CNTN5: variants seen among roughly 807,000 people sequenced by gnomAD.
The protein encoded by CNTN5 is contactin 5.
A neutral mutation model predicts 129.1 loss-of-function variants in CNTN5; 77 were observed. The ratio of observed to expected loss-of-function variants is 0.60; its 90% CI spans 0.50 to 0.72. CNTN5 has a LOEUF of 0.72. Ranked by LOEUF, CNTN5 falls within the 30% of genes least tolerant of loss-of-function variation. The pLI is 0.00. For missense variants in CNTN5, 1,478 were observed against 1,328.8 expected (o/e 1.11, Z -1.75); for synonymous variants, 509 against 465.6 (o/e 1.09, Z -1.20).
At chr11:100,144,465 G>C (rs1196735193) in intron 13 of CNTN5, among the ~76,000 whole-genome samples, 1 of 152,010 alleles carries the variant, frequency 6.6e-6, no homozygotes, top group Non-Finnish European at 1.5e-5. Context: ...ACGAGAACAT[G>C]TGGTATTTGA....
intron 3 of CNTN5, among the ~76,000 whole-genome samples, chr11:99,631,627 G>A (rs1951354073): frequency 6.6e-6 from 1 of 151,150 alleles, no homozygotes; most frequent in South Asian, 2.1e-4. Context: ...GTAATATCAT[G>A]TCAGTCATTT....
At chr11:100,204,249 C>G (rs1251144385) in intron 15 of CNTN5, among the ~76,000 whole-genome samples, 1 of 116,064 alleles carries the variant, frequency 8.6e-6, no homozygotes, top group African/African-American at 3.1e-5. Context: ...AGTATATGAA[C>G]TAAAAACTAG....
intron 1 of CNTN5, among the ~76,000 whole-genome samples, chr11:99,208,269 C>T (rs1187758726): frequency 6.6e-6 from 1 of 152,146 alleles, no homozygotes; most frequent in African/African-American, 2.4e-5. Context: ...ATGTATTATA[C>T]AGAAGCTTTT....
chr11:100,120,873 G>A (rs1346213769), intron 13 of CNTN5, among the ~76,000 whole-genome samples: 2 of 151,728 alleles, frequency 1.3e-5, no homozygotes, highest in Admixed American at 6.6e-5. Flanking sequence ...TATTGTAATA[G>A]CATCTAGTAT....
chr11:99,206,476 G>A (rs1859489364), intron 1 of CNTN5, among the ~76,000 whole-genome samples: 1 of 152,106 alleles, frequency 6.6e-6, no homozygotes, highest in African/African-American at 2.4e-5. Flanking sequence ...AAACTGGGCA[G>A]CCTGTGCTCT....
intron 21 of CNTN5, among the ~76,000 whole-genome samples, chr11:100,330,063 A>G (rs1951873269): frequency 6.6e-6 from 1 of 152,214 alleles, no homozygotes; most frequent in Non-Finnish European, 1.5e-5. Flanking sequence ...AGGCCAACTT[A>G]AAGTATTCAA....
At chr11:99,081,498 T>A (rs1473611810) in intron 1 of CNTN5, among the ~76,000 whole-genome samples, 1 of 152,150 alleles carries the variant, frequency 6.6e-6, no homozygotes, top group Non-Finnish European at 1.5e-5. Context: ...GGAGAAAAAA[T>A]AATAATCACA....
intron 6 of CNTN5, among the ~76,000 whole-genome samples, chr11:99,914,354 T>A (rs1949735080): frequency 6.6e-5 from 10 of 152,038 alleles, no homozygotes; most frequent in Admixed American, 6.6e-4. Context: ...CATATTAAGA[T>A]CATTTTTTGG....
At chr11:99,500,989 T>A (rs1946406515) in intron 2 of CNTN5, among the ~76,000 whole-genome samples, 1 of 152,226 alleles carries the variant, frequency 6.6e-6, no homozygotes, top group Non-Finnish European at 1.5e-5. Flanking sequence ...GTGTGCACAG[T>A]GAAGATCCTT....
chr11:100,232,698 A>G (rs865879361), intron 16 of CNTN5, among the ~76,000 whole-genome samples: 3 of 152,194 alleles, frequency 2.0e-5, no homozygotes, highest in Non-Finnish European at 4.4e-5. Context: ...AGCACATAGT[A>G]TGTGGCAGGC....
At chr11:99,778,013 C>T (rs1037385550) in intron 3 of CNTN5, among the ~76,000 whole-genome samples, 3 of 151,754 alleles carry the variant, frequency 2.0e-5, no homozygotes, top group Non-Finnish European at 4.4e-5. Context: ...AGCTTTATCT[C>T]TGAATATTTT....
chr11:99,267,920 G>GCACA (rs141288502), intron 1 of CNTN5, among the ~76,000 whole-genome samples: 3,238 of 140,466 alleles, frequency 0.023, 98 homozygotes, highest in African/African-American at 0.067. Context: ...ACACACACAC[G>GCACA]CACACACACA....
chr11:99,154,243 G>A (rs1013244964), intron 1 of CNTN5, among the ~76,000 whole-genome samples: 2 of 152,176 alleles, frequency 1.3e-5, no homozygotes, highest in Non-Finnish European at 2.9e-5. Context: ...TGGTATGGGT[G>A]GGTTATGGTT....
At chr11:99,883,277 T>A (rs922961585) in intron 6 of CNTN5, among the ~76,000 whole-genome samples, 3 of 152,198 alleles carry the variant, frequency 2.0e-5, no homozygotes, top group African/African-American at 7.2e-5. Flanking sequence ...TTTAGTTTTT[T>A]TGAGGAACCT....
intron 1 of CNTN5, among the ~76,000 whole-genome samples, chr11:99,042,142 T>C (rs1864008570): frequency 6.6e-6 from 1 of 152,162 alleles, no homozygotes; most frequent in Admixed American, 6.6e-5. Context: ...GAACACATAC[T>C]GAGTATGTCC....
chr11:99,101,495 A>G (rs1289889415), intron 1 of CNTN5, among the ~76,000 whole-genome samples: 3 of 152,254 alleles, frequency 2.0e-5, no homozygotes, highest in Admixed American at 6.5e-5. Context: ...AAAGCAAGTT[A>G]GTTACTTCCT....
intron 18 of CNTN5, among the ~76,000 whole-genome samples, chr11:100,289,718 C>T (rs1204243474): frequency 6.6e-6 from 1 of 150,656 alleles, no homozygotes; most frequent in Non-Finnish European, 1.5e-5. Flanking sequence ...GATGCCCTCT[C>T]TCACCACTCC....
chr11:99,117,420 C>T lies in CNTN5; in HGVS notation c.-210+96150C>T, dbSNP rs541874006. ...TCCTGATTCTAACACGACCAGTTTG[C>T]CTTTCCTGTTTTTGAACTTTATATA... On this transcript the variant is annotated intron_variant, in intron 1 of 24. Coordinates refer to ENST00000524871, the MANE Select transcript of CNTN5 (RefSeq NM_014361.4). Among the ~76,000 whole-genome samples the T allele has an allele frequency of 6.6e-5, 10 of 152,194 alleles. No individual in the cohort carries two copies. In the South Asian group the frequency reaches 2.1e-3, roughly 32 times the overall value.
chr11:99,481,229 A>G (rs966871800), intron 2 of CNTN5, among the ~76,000 whole-genome samples: 6 of 152,136 alleles, frequency 3.9e-5, no homozygotes, highest in African/African-American at 1.4e-4. Flanking sequence ...TCTTTGGAAT[A>G]TTACTTTTCT....
Sources: allele counts gnomAD v4.1 joint callset (sites outside exome capture counted in the v4.1 genomes callset), GRCh38; gene constraint gnomAD v4.1.1; transcripts MANE v1.5; gene names NCBI Gene and HGNC (gene_info 2026-07-23, HGNC 2026-07-21).